Variants in NWD2 observed in about 807,000 individuals in gnomAD.
NWD2 encodes the protein NACHT and WD repeat domain containing 2, also known as NACHT and WD repeat domain-containing protein 2.
NWD2 carries 37 observed loss-of-function variants against 132.7 expected under a neutral mutation model. That is an observed-to-expected ratio of 0.28 (90% CI 0.21 to 0.37). The LOEUF (loss-of-function observed/expected upper bound fraction) is 0.37. Ranked by LOEUF, NWD2 falls within the 10% of genes least tolerant of loss-of-function variation. NWD2 has a pLI of 1.00. For missense variants in NWD2, 1,592 were observed against 2,122.4 expected (o/e 0.75, Z 4.91); for synonymous variants, 705 against 803.0 (o/e 0.88, Z 2.06).
intron 1 of NWD2, among the ~76,000 whole-genome samples, chr4:37,325,428 C>T (rs1245774860): frequency 6.6e-6 from 1 of 152,082 alleles, no homozygotes; most frequent in Non-Finnish European, 1.5e-5. Flanking sequence ...ATGCTTGTTT[C>T]CATACTGTGC....
At chr4:37,320,439 G>T (rs1420966237) in intron 1 of NWD2, among the ~76,000 whole-genome samples, 1 of 152,118 alleles carries the variant, frequency 6.6e-6, no homozygotes, top group Non-Finnish European at 1.5e-5. Flanking sequence ...TATTGCTGGC[G>T]GCTCTGTGAG....
intron 3 of NWD2, among the ~76,000 whole-genome samples, chr4:37,423,988 G>T (rs1019455162): frequency 6.6e-6 from 1 of 152,102 alleles, no homozygotes; most frequent in Non-Finnish European, 1.5e-5. Context: ...TGTGAATAAG[G>T]TGTTGCTGGC....
intron 2 of NWD2, among the ~76,000 whole-genome samples, chr4:37,347,216 T>G (rs1719654886): frequency 6.6e-6 from 1 of 152,144 alleles, no homozygotes; most frequent in African/African-American, 2.4e-5. Flanking sequence ...TTATTGAAGC[T>G]TGTTTTATGA....
chr4:37,414,061 G>T (rs1365314804), intron 3 of NWD2, among the ~76,000 whole-genome samples: 1 of 151,830 alleles, frequency 6.6e-6, no homozygotes, highest in Non-Finnish European at 1.5e-5. Context: ...CATGGCATGT[G>T]TATACCTATG....
intron 3 of NWD2, among the ~76,000 whole-genome samples, chr4:37,401,737 G>A (rs1419087244): frequency 6.6e-6 from 1 of 152,132 alleles, no homozygotes; most frequent in Non-Finnish European, 1.5e-5. Flanking sequence ...TCTAGAACAA[G>A]TATCTTCTGC....
At chr4:37,302,024 A>G (rs1453632996) in intron 1 of NWD2, among the ~76,000 whole-genome samples, 4 of 152,044 alleles carry the variant, frequency 2.6e-5, no homozygotes, top group East Asian at 3.8e-4. Context: ...ATTGTTAACT[A>G]TAGTCTCCCT....
At chr4:37,292,781 C>A (rs971215747) in intron 1 of NWD2, among the ~76,000 whole-genome samples, 2 of 152,144 alleles carry the variant, frequency 1.3e-5, no homozygotes, top group African/African-American at 4.8e-5. Context: ...GCATTAGGTT[C>A]TCTTAAAGAG....
chr4:37,335,562 C>T (rs1719390185), intron 2 of NWD2, among the ~76,000 whole-genome samples: 2 of 152,170 alleles, frequency 1.3e-5, no homozygotes, highest in Admixed American at 6.5e-5. Flanking sequence ...TGGACCGTGG[C>T]CTGCTAGAAG....
intron 1 of NWD2, among the ~76,000 whole-genome samples, chr4:37,325,349 G>A (rs1719147936): frequency 6.6e-6 from 1 of 152,106 alleles, no homozygotes; most frequent in Admixed American, 6.6e-5. Flanking sequence ...CCGGGGTGGG[G>A]AGGCATTACT....
At chr4:37,431,272 A>G (rs1363334465) in intron 4 of NWD2, among the ~76,000 whole-genome samples, 1 of 152,234 alleles carries the variant, frequency 6.6e-6, no homozygotes, top group African/African-American at 2.4e-5. Flanking sequence ...AAATGAAAAG[A>G]TAAAGAAAAT....
chr4:37,286,944 G>A (rs1295529696), intron 1 of NWD2, among the ~76,000 whole-genome samples: 1 of 152,154 alleles, frequency 6.6e-6, no homozygotes, highest in Non-Finnish European at 1.5e-5. Flanking sequence ...ACTAGCGTGT[G>A]AATCCTTCAC....
chr4:37,272,760 T>C (rs1054513457), intron 1 of NWD2, among the ~76,000 whole-genome samples: 1 of 151,792 alleles, frequency 6.6e-6, no homozygotes, highest in Non-Finnish European at 1.5e-5. Flanking sequence ...TTTTATTTCA[T>C]TGCTTTCTTT....
chr4:37,250,591 T>C (rs1165559508), intron 1 of NWD2, among the ~76,000 whole-genome samples: 1 of 152,228 alleles, frequency 6.6e-6, no homozygotes, highest in Non-Finnish European at 1.5e-5. Context: ...ATTAAATACA[T>C]GTTTGCTATT....
At chr4:37,293,750 A>G (rs1718415275) in intron 1 of NWD2, among the ~76,000 whole-genome samples, 1 of 152,204 alleles carries the variant, frequency 6.6e-6, no homozygotes, top group Non-Finnish European at 1.5e-5. Flanking sequence ...GTGTTTACTA[A>G]TGACGTTAAG....
At chr4:37,256,364 A>G (rs1717518665) in intron 1 of NWD2, among the ~76,000 whole-genome samples, 1 of 152,272 alleles carries the variant, frequency 6.6e-6, no homozygotes, top group East Asian at 1.9e-4. Flanking sequence ...CCTTGCCCAG[A>G]TGACAGAACT....
intron 3 of NWD2, among the ~76,000 whole-genome samples, chr4:37,362,493 T>C (rs564919928): frequency 2.4e-4 from 37 of 152,174 alleles, no homozygotes; most frequent in African/African-American, 7.7e-4. Context: ...TGGAACAAAA[T>C]GGAGAACCCA....
intron 3 of NWD2, among the ~76,000 whole-genome samples, chr4:37,397,324 G>A (rs1422890745): frequency 6.6e-6 from 1 of 152,122 alleles, no homozygotes; most frequent in Non-Finnish European, 1.5e-5. Context: ...CAGGTATTTG[G>A]TCAAATACCA....
At chr4:37,315,340 T>C (rs1013845095) in intron 1 of NWD2, among the ~76,000 whole-genome samples, 1 of 152,134 alleles carries the variant, frequency 6.6e-6, no homozygotes, top group Non-Finnish European at 1.5e-5. Flanking sequence ...ATTTTCTATT[T>C]AGTTATTTCA....
At chr4:37,302,125 TC>T (rs1718624203) in intron 1 of NWD2, among the ~76,000 whole-genome samples, 2 of 151,546 alleles carry the variant, frequency 1.3e-5, no homozygotes, top group African/African-American at 2.4e-5. Flanking sequence ...CATCCACTCT[TC>T]CCAGAATCTA....
Sources: allele counts gnomAD v4.1 joint callset (sites outside exome capture counted in the v4.1 genomes callset), GRCh38; gene constraint gnomAD v4.1.1; transcripts MANE v1.5; gene names NCBI Gene and HGNC (gene_info 2026-07-23, HGNC 2026-07-21).